RBM5: variants seen among roughly 807,000 people sequenced by gnomAD.
The protein encoded by RBM5 is RNA-binding protein 5.
In RBM5, 15 loss-of-function variants were observed where a neutral mutation model predicts 124.6. The observed-to-expected ratio is 0.12, with a 90% confidence interval of 0.08 to 0.19. The LOEUF (loss-of-function observed/expected upper bound fraction) is 0.19, where lower values mean the gene tolerates loss of function less well. Ranked by LOEUF, RBM5 falls within the 10% of genes least tolerant of loss-of-function variation. The pLI, the probability that RBM5 is intolerant of heterozygous loss-of-function variation, is 1.00. For missense variants in RBM5, 580 were observed against 1,026.5 expected (o/e 0.57, Z 5.94); for synonymous variants, 337 against 361.2 (o/e 0.93, Z 0.76).
At chr3:50,106,552 A>G (rs1287284033) in intron 10 of RBM5, among the ~76,000 whole-genome samples, 1 of 152,132 alleles carries the variant, frequency 6.6e-6, no homozygotes, top group Admixed American at 6.6e-5. Context: ...TTTGTTTTAG[A>G]TTGGTTTAGC....
At chr3:50,114,286 T>C (rs1235308905) in intron 20 of RBM5, 35 bp downstream of exon 20, 1 of 1,573,404 alleles carries the variant, frequency 6.4e-7, no homozygotes, top group South Asian at 1.2e-5. Flanking sequence ...AAAGACCCTA[T>C]CTGTGGTTTG....
At chr3:50,114,335 G>A in intron 20 of RBM5, 84 bp downstream of exon 20, 2 of 1,345,808 alleles carry the variant, frequency 1.5e-6, no homozygotes, top group Non-Finnish European at 2.0e-6. Flanking sequence ...TGGCTAATGT[G>A]ATTCCTACTT....
At chr3:50,112,069 T>TTG (rs952962777) in intron 17 of RBM5, 4 of 147,334 alleles carry the variant, frequency 2.7e-5, no homozygotes, top group African/African-American at 1.0e-4. Flanking sequence ...TCTTTTTTTT[T>TTG]TTTTTTTTTT....
chr3:50,100,193 T>G lies in RBM5; in HGVS notation c.409+142T>G. 1 of 789,554 alleles carries G rather than the reference T, an allele frequency of 1.3e-6. No homozygotes were observed. The highest frequency in any genetic ancestry group is 2.0e-6 in the Non-Finnish European group (1 of 505,008). The allele number at this position is 789,554 out of a possible 1,614,324, so 48.9% of individuals were successfully genotyped here. ...GCCATGGCTAAGGAATGTGACTCTTTGAAAACCATGTTAGCATCTGAGGAA... is the reference window on the plus strand; with the variant it reads ...GCCATGGCTAAGGAATGTGACTCTTGGAAAACCATGTTAGCATCTGAGGAA... On this transcript the variant is annotated intron_variant, in intron 5 of 24. Transcript: ENST00000347869. This position sits in a 1 kb window ranked among gnomAD's most constrained non-coding sequence, Gnocchi z 5.1.
At chr3:50,093,988 C>A in intron 4 of RBM5, 113 bp downstream of exon 4, 2 of 1,200,120 alleles carry the variant, frequency 1.7e-6, no homozygotes, top group Non-Finnish European at 2.3e-6. Context: ...GGTTGAGTAT[C>A]CCTTATCCAA....
At position 50,092,152 on chromosome 3, in the gene RBM5, A is replaced by G. The variant is rs375214845; in HGVS notation, c.127A>G (p.Ser43Gly). 1.9e-5 allele frequency: 31 copies of G among 1,613,972 alleles called. No individual in the cohort carries two copies. The highest frequency in any genetic ancestry group is 2.5e-5 in the Non-Finnish European group (30 of 1,180,024). ...RRRDSDYKRS[S>G]DDRRGDRYDD... ...GAGGGACTCAGATTACAAAAGATCT[A>G]GTGATGATCGGAGGGGTGATAGATA... Residue 43 changes from serine to glycine, a missense_variant, in exon 3 of 25, where the codon AGT (serine) becomes GGT (glycine). By Grantham distance (56) the Ser-to-Gly change is moderately conservative. Coordinates refer to ENST00000347869, the MANE Select transcript of RBM5 (RefSeq NM_005778.4).
chr3:50,095,460 C>T (rs576678445), intron 4 of RBM5, among the ~76,000 whole-genome samples: 23 of 152,056 alleles, frequency 1.5e-4, no homozygotes, highest in African/African-American at 4.8e-4. Context: ...TTAAAAAGGA[C>T]GGCTCATTCA....
chr3:50,113,642 A>C, intron 18 of RBM5, 98 bp downstream of exon 18: 2 of 1,338,996 alleles, frequency 1.5e-6, no homozygotes, highest in Non-Finnish European at 2.0e-6. Context: ...GATTCTTAAA[A>C]ATTGGGCTTC....
intron 17 of RBM5, chr3:50,112,000 A>AT (rs1352336200): frequency 1.3e-5 from 2 of 150,186 alleles, no homozygotes; most frequent in African/African-American, 2.5e-5. Context: ...AAGCCTCTGC[A>AT]TACCTCTTCC....
At chr3:50,107,805 G>A (rs1284632777) in intron 12 of RBM5, among the ~76,000 whole-genome samples, 1 of 142,018 alleles carries the variant, frequency 7.0e-6, no homozygotes, top group Non-Finnish European at 1.5e-5. Flanking sequence ...TTCTGTCTCA[G>A]CCTCTTGAGT....
Position 50,117,624 on chromosome 3 carries a change from A to G in RBM5, c.2322+245A>G. 4.9e-6 allele frequency: 2 copies of G among 404,134 alleles called. No individual in the cohort carries two copies. The highest frequency in any genetic ancestry group is 4.5e-6 in the Non-Finnish European group (1 of 222,248). 25.0% of individuals were successfully genotyped at this position (404,134 alleles called of 1,614,324 possible). A position where few individuals can be genotyped will look rare whatever the true frequency, so the allele number is the denominator to read the frequency against. On this transcript the variant is annotated intron_variant, in intron 24 of 24. Transcript: ENST00000347869. The surrounding 1 kb of genome is among the most constrained non-coding windows in gnomAD (Gnocchi z 4.2). The stretch of plus-strand genomic sequence containing the variant: ...GGTGAAACCCCGTCTCTACTAAAAT[A>G]CAAAATATTAACTGGACGTGGCAGC...
At chr3:50,092,284 A>G (rs771564386) in intron 3 of RBM5, 76 bp downstream of exon 3, 17 of 1,478,224 alleles carry the variant, frequency 1.2e-5, no homozygotes, top group Non-Finnish European at 1.5e-5. Context: ...CCAGGCAGCC[A>G]GGTCCAGTGG....
At chr3:50,089,981 A>G (rs570338103) in intron 1 of RBM5, 1 of 162,714 alleles carries the variant, frequency 6.1e-6, no homozygotes, top group East Asian at 1.8e-4. Flanking sequence ...TGCTCCTTGT[A>G]TTAATGAAGA....
At chr3:50,106,964 CTG>C (rs780877351) in intron 11 of RBM5, 100 bp downstream of exon 11, 5 of 1,002,830 alleles carry the variant, frequency 5.0e-6, no homozygotes, top group African/African-American at 1.6e-5. Flanking sequence ...TGTTGAGACA[CTG>C]TGATCCTCCC....
rs1311911365 is a variant in RBM5 at position 50,113,925 on chromosome 3, G to T, written c.1618-25G>T. The T allele has an allele frequency of 1.1e-5, 18 of 1,600,340 alleles. No individual in the cohort carries two copies. The Admixed American group carries it at 1.2e-4, about 11-fold the overall frequency. Reference sequence around the variant, plus strand: ...GGCACAGGGGATTAAATATTTTTTTGTTGGTGTTTGTTGTTTGACATTAGA... The same window carrying T: ...GGCACAGGGGATTAAATATTTTTTTTTTGGTGTTTGTTGTTTGACATTAGA... On this transcript the variant is annotated intron_variant, in intron 18 of 24. Transcript: ENST00000347869.
chr3:50,094,016 C>A, intron 4 of RBM5, 141 bp downstream of exon 4: 2 of 851,822 alleles, frequency 2.3e-6, no homozygotes, highest in Non-Finnish European at 3.5e-6. Context: ...GGGACCAGAA[C>A]TGTTTTGATA....
At chr3:50,099,403 T>C (rs1025433918) in intron 4 of RBM5, among the ~76,000 whole-genome samples, 1 of 152,158 alleles carries the variant, frequency 6.6e-6, no homozygotes, top group African/African-American at 2.4e-5. Flanking sequence ...ATTTTGGTGA[T>C]AGAAGATAAA....
chr3:50,089,920 C>G (rs2090674107), intron 1 of RBM5: 1 of 159,776 alleles, frequency 6.3e-6, no homozygotes, highest in Admixed American at 5.9e-5. Flanking sequence ...CTCAGTATCC[C>G]AGCTTCTACG....
At chr3:50,099,231 G>C (rs2090889070) in intron 4 of RBM5, among the ~76,000 whole-genome samples, 1 of 151,552 alleles carries the variant, frequency 6.6e-6, no homozygotes, top group East Asian at 2.0e-4. Flanking sequence ...ACTTCAGCCT[G>C]GGTGTCAGAG....
Sources: gnomAD v4.1 joint callset for allele counts (sites outside exome capture counted in the v4.1 genomes callset) on GRCh38, gnomAD v4.1.1 for gene constraint, Gnocchi (gnomAD v3.1) non-coding constraint, MANE v1.5 for transcripts, NCBI Gene and HGNC (gene_info 2026-07-23, HGNC 2026-07-21) for gene names.